PTPRM: variants seen among roughly 807,000 people sequenced by gnomAD.
PTPRM encodes receptor-type tyrosine-protein phosphatase mu.
PTPRM carries 47 observed loss-of-function variants against 186.7 expected under a neutral mutation model. That is an observed-to-expected ratio of 0.25 (90% confidence interval 0.20 to 0.32). PTPRM has a LOEUF of 0.32. Among genes scored for constraint, PTPRM ranks in the 10% least tolerant of loss-of-function variants. The pLI is 1.00. For missense variants in PTPRM, 1,494 were observed against 1,865.0 expected, an observed-to-expected ratio of 0.80 and a Z score of 3.66; for synonymous variants, 668 against 674.9, an observed-to-expected ratio of 0.99 and a Z score of 0.16.
chr18:7,964,415 A>G (rs1056153733), intron 7 of PTPRM, among the ~76,000 whole-genome samples: 1 of 152,070 alleles, frequency 6.6e-6, no homozygotes, highest in Non-Finnish European at 1.5e-5. Context: ...TGCTATTCCT[A>G]GTTTCTTAAT....
chr18:7,638,880 G>A (rs1440115184), intron 1 of PTPRM, among the ~76,000 whole-genome samples: 2 of 152,118 alleles, frequency 1.3e-5, no homozygotes, highest in South Asian at 2.1e-4. Context: ...ATTTCATTAC[G>A]ACACTTCTAA....
chr18:7,691,145 T>G (rs2039723994), intron 1 of PTPRM, among the ~76,000 whole-genome samples: 1 of 152,164 alleles, frequency 6.6e-6, no homozygotes, highest in African/African-American at 2.4e-5. Context: ...CCTTGCATTA[T>G]TCTAACCAAC....
intron 19 of PTPRM, among the ~76,000 whole-genome samples, chr18:8,264,817 A>G (rs2094681514): frequency 6.6e-6 from 1 of 151,646 alleles, no homozygotes; most frequent in Non-Finnish European, 1.5e-5. Flanking sequence ...CACACACAGC[A>G]CACACAGAGA....
chr18:8,274,898 T>C (rs559154137), intron 19 of PTPRM, among the ~76,000 whole-genome samples: 24 of 152,294 alleles, frequency 1.6e-4, no homozygotes, highest in African/African-American at 5.5e-4. Context: ...CATTCCAGCA[T>C]TGCATGTTGA....
intron 1 of PTPRM, among the ~76,000 whole-genome samples, chr18:7,766,401 G>T (rs1227001492): frequency 2.6e-5 from 4 of 152,228 alleles, no homozygotes. Flanking sequence ...TGGAGCTGAC[G>T]TTAGCCCAGG....
In PTPRM at chr18:8,191,306, C is replaced by T. The variant is rs149732606; in HGVS notation, c.2300+47527C>T. On this transcript the variant is annotated intron_variant, in intron 14 of 32. Coordinates refer to ENST00000580170, the MANE Select transcript of PTPRM (RefSeq NM_001105244.2). ...GGCAGAGATTGGCGGAACACAGACA[C>T]GTCTGAGGGGCCTAGGGAGCACATA... Among the ~76,000 whole-genome samples the T allele has an allele frequency of 5.4e-3, 819 of 151,868 alleles. 8 individuals carry two copies. Among genetic ancestry groups the T allele is most frequent in the African/African-American group, 0.018 (759 of 41,174 alleles).
rs373377368 is a variant in PTPRM, at chr18:7,831,501, A to G, written c.197-56605A>G. 2.6e-5 allele frequency among the ~76,000 whole-genome samples: 4 copies of G among 152,188 alleles called. No homozygotes were observed. The South Asian group carries it at 8.3e-4, about 32-fold the overall frequency. On this transcript the variant is annotated intron_variant, in intron 2 of 32. Coordinates refer to ENST00000580170, the MANE Select transcript of PTPRM (RefSeq NM_001105244.2). ...AATTTTTTAAAAATTGTTATGGTAC[A>G]TAGTAGGTATGTATATTTAAGGAGT...
chr18:7,938,514 C>A (rs574024798), intron 5 of PTPRM, among the ~76,000 whole-genome samples: 2 of 152,236 alleles, frequency 1.3e-5, no homozygotes, highest in South Asian at 4.2e-4. Context: ...AAAAAATGTT[C>A]GTCAGTGTTG....
At chr18:8,389,203 C>T (rs1322174056) in intron 31 of PTPRM, among the ~76,000 whole-genome samples, 1 of 152,048 alleles carries the variant, frequency 6.6e-6, no homozygotes, top group Non-Finnish European at 1.5e-5. Context: ...ATCTGGAGAC[C>T]CCCAGCGTCT....
At chr18:8,318,802 C>G (rs550922154) in intron 21 of PTPRM, among the ~76,000 whole-genome samples, 22 of 152,356 alleles carry the variant, frequency 1.4e-4, no homozygotes, top group African/African-American at 4.1e-4. Flanking sequence ...GTGTTAAACC[C>G]TTGGCATATT....
rs139723841 is a variant in PTPRM, at chr18:8,390,207, C to T, written c.4208+2972C>T. Among the ~76,000 whole-genome samples the T allele has an allele frequency of 2.6e-3, 392 of 152,290 alleles. 1 individual carries two copies. The highest frequency in any genetic ancestry group is 9.1e-3 in the African/African-American group (378 of 41,558). ...ACTTACAACAAAGATGCCATTGCAA[C>T]GCAGCACTGCAGTGGGTGGGGAAGA... is the stretch of plus-strand genomic sequence containing the variant. On this transcript the variant is annotated intron_variant, in intron 31 of 32. Coordinates refer to ENST00000580170, the MANE Select transcript of PTPRM (RefSeq NM_001105244.2).
At chr18:8,279,765 G>T (rs1161595628) in intron 19 of PTPRM, among the ~76,000 whole-genome samples, 1 of 152,214 alleles carries the variant, frequency 6.6e-6, no homozygotes, top group African/African-American at 2.4e-5. Context: ...CTGACTCTCA[G>T]CCTGCCGAGG....
chr18:8,373,800 G>A (rs2095678457), intron 24 of PTPRM, among the ~76,000 whole-genome samples: 2 of 151,646 alleles, frequency 1.3e-5, no homozygotes, highest in South Asian at 4.2e-4. Flanking sequence ...CTAAAGGATC[G>A]CCTGAGCCCG....
intron 5 of PTPRM, among the ~76,000 whole-genome samples, chr18:7,941,926 C>T (rs992756375): frequency 2.0e-5 from 3 of 152,170 alleles, no homozygotes; most frequent in African/African-American, 7.2e-5. Context: ...TTTCCTCACC[C>T]ATCACAAGGT....
rs562811583 is a variant in PTPRM, at chr18:8,389,254, A to C, written c.4208+2019A>C. 1.0e-3 allele frequency among the ~76,000 whole-genome samples: 156 copies of C among 152,312 alleles called. 1 individual carries two copies. The highest frequency in any genetic ancestry group is 3.5e-3 in the African/African-American group (145 of 41,558). On this transcript the variant is annotated intron_variant, in intron 31 of 32. Transcript: ENST00000580170. ...ATGCATCGCTCCCCCCGGGATTAGCAGCTTTCTAAAAAGGGTCAGTGCTTT... is the reference window on the plus strand; with the variant it reads ...ATGCATCGCTCCCCCCGGGATTAGCCGCTTTCTAAAAAGGGTCAGTGCTTT...
At chr18:8,102,149 A>G (rs1370193695) in intron 11 of PTPRM, among the ~76,000 whole-genome samples, 2 of 152,206 alleles carry the variant, frequency 1.3e-5, no homozygotes, top group East Asian at 3.9e-4. Context: ...AGTACTGATG[A>G]TCATCTGAGC....
intron 7 of PTPRM, among the ~76,000 whole-genome samples, chr18:8,033,905 G>A (rs2086159655): frequency 6.6e-6 from 1 of 152,174 alleles, no homozygotes; most frequent in Non-Finnish European, 1.5e-5. Context: ...CCTTTCAGAA[G>A]CTTTAGGGGA....
chr18:7,761,810 A>T (rs1357496981), intron 1 of PTPRM, among the ~76,000 whole-genome samples: 1 of 152,104 alleles, frequency 6.6e-6, no homozygotes, highest in African/African-American at 2.4e-5. Context: ...AGGAGGAGTG[A>T]TGGTGACAGG....
At chr18:8,033,305 CTATACATATG>C (rs111306558) in intron 7 of PTPRM, among the ~76,000 whole-genome samples, 4,777 of 152,198 alleles carry the variant, frequency 0.031, 223 homozygotes, top group African/African-American at 0.11. Context: ...ACAGATGTAA[CTATACATATG>C]TACTATACAT....
Sources: gnomAD v4.1 joint callset for allele counts (sites outside exome capture counted in the v4.1 genomes callset) on GRCh38, gnomAD v4.1.1 for gene constraint, MANE v1.5 for transcripts, NCBI Gene and HGNC (gene_info 2026-07-23, HGNC 2026-07-21) for gene names.